The following ALDH1A2 variants were observed in gnomAD, a reference collection of about 807,000 sequenced individuals.
ALDH1A2 encodes the protein aldehyde dehydrogenase 1 family member A2.
In ALDH1A2, 27 loss-of-function variants were observed where a neutral mutation model predicts 60.3. The ratio of observed to expected loss-of-function variants is 0.45; its 90% confidence interval spans 0.33 to 0.62. The LOEUF is 0.62. Among genes scored for constraint, ALDH1A2 ranks in the 20% least tolerant of loss-of-function variants. The pLI, the probability that ALDH1A2 is intolerant of heterozygous loss-of-function variation, is 0.02. For missense variants in ALDH1A2, 581 were observed against 643.8 expected (o/e 0.90, Z 1.06); for synonymous variants, 289 against 232.4 (o/e 1.24, Z -2.21).
chr15:57,985,220 G>A (rs1377278621), intron 7 of ALDH1A2, among the ~76,000 whole-genome samples: 2 of 152,108 alleles, frequency 1.3e-5, no homozygotes, highest in African/African-American at 2.4e-5. Flanking sequence ...TCCCAATTCC[G>A]TTATTCCACT....
At chr15:57,998,505 G>A (rs1444534910) in intron 4 of ALDH1A2, among the ~76,000 whole-genome samples, 5 of 151,624 alleles carry the variant, frequency 3.3e-5, no homozygotes, top group African/African-American at 1.2e-4. Context: ...AGGAAGTGAA[G>A]GACCTCTTCA....
chr15:58,058,772 G>T (rs928692573), intron 1 of ALDH1A2, among the ~76,000 whole-genome samples: 1 of 152,182 alleles, frequency 6.6e-6, no homozygotes. Flanking sequence ...AACAGAGCAG[G>T]TAACTACTTC....
intron 1 of ALDH1A2, among the ~76,000 whole-genome samples, chr15:58,020,074 T>G (rs755694025): frequency 3.6e-4 from 54 of 151,284 alleles, no homozygotes; most frequent in Non-Finnish European, 8.8e-5. Context: ...TGAGAACATG[T>G]GGTGTTTGGT....
chr15:58,053,214 T>C (rs1205727563), intron 1 of ALDH1A2, among the ~76,000 whole-genome samples: 1 of 152,124 alleles, frequency 6.6e-6, no homozygotes, highest in East Asian at 1.9e-4. Context: ...AAACCTAAAA[T>C]GCCACATTTA....
intron 7 of ALDH1A2, among the ~76,000 whole-genome samples, chr15:57,988,192 A>T (rs1434802255): frequency 6.6e-6 from 1 of 152,224 alleles, no homozygotes; most frequent in Non-Finnish European, 1.5e-5. Flanking sequence ...CAACAATAAC[A>T]CAAAGGATGA....
At chr15:57,972,251 G>A (rs2197091) in intron 7 of ALDH1A2, among the ~76,000 whole-genome samples, 1 of 152,162 alleles carries the variant, frequency 6.6e-6, no homozygotes, top group African/African-American at 2.4e-5. Flanking sequence ...CCAAGCCTCA[G>A]GCTCTTCTCC....
intron 7 of ALDH1A2, among the ~76,000 whole-genome samples, chr15:57,977,422 A>C (rs1243165133): frequency 6.6e-6 from 1 of 152,184 alleles, no homozygotes; most frequent in Non-Finnish European, 1.5e-5. Flanking sequence ...TTTTTGTATA[A>C]GGTGTAAGTA....
At chr15:58,029,845 C>T (rs138951816) in intron 1 of ALDH1A2, among the ~76,000 whole-genome samples, 1 of 152,058 alleles carries the variant, frequency 6.6e-6, no homozygotes. Flanking sequence ...CAGGAAGAAG[C>T]TGAATCTCTG....
chr15:58,014,217 G>A lies in ALDH1A2; in HGVS notation c.182C>T (p.Ala61Val). Residue 61 changes from alanine to valine, a missense_variant, in exon 2 of 13, where the codon GCC becomes GTC. Ala to Val is a moderately conservative substitution (Grantham distance 64). This residue lies in a region of ALDH1A2 where 206 missense variants were observed against 174.1 expected (regional missense o/e 1.18). Transcript: ENST00000249750. ...AACTTCACACACCTGTTCTCCTGTG[G>A]CTGGATTATAGACAGGGAACACTCT... ...SGRVFPVYNP[A>V]TGEQVCEVQE... is the part of the protein sequence containing the mutation. 1.2e-6 allele frequency: 2 copies of A among 1,614,036 alleles called. No homozygotes were observed. The highest frequency in any genetic ancestry group is 1.7e-6 in the Non-Finnish European group (2 of 1,179,964).
chr15:58,021,764 G>A (rs1895935106), intron 1 of ALDH1A2, among the ~76,000 whole-genome samples: 1 of 152,260 alleles, frequency 6.6e-6, no homozygotes, highest in Non-Finnish European at 1.5e-5. Flanking sequence ...GGGCAAGCTG[G>A]GAGTGCTCCT....
chr15:57,955,115 G>C lies in ALDH1A2; in HGVS notation c.*82C>G. 7.1e-7 allele frequency: 1 copy of C among 1,402,592 alleles called. No individual in the cohort carries two copies. Among genetic ancestry groups the C allele is most frequent in the East Asian group, 2.3e-5 (1 of 43,854 alleles). 86.9% of individuals were successfully genotyped at this position (1,402,592 alleles called of 1,614,324 possible). On this transcript the variant is annotated 3_prime_UTR_variant, in exon 13 of 13. Transcript: ENST00000249750. ...TAAGTAAGGACCGTGGCTCAACTTT[G>C]TATTCCTGAGAGCTGGGCCCTACAG... is the stretch of plus-strand genomic sequence containing the variant.
At chr15:58,029,131 C>T (rs775793974) in intron 1 of ALDH1A2, among the ~76,000 whole-genome samples, 15 of 152,094 alleles carry the variant, frequency 9.9e-5, no homozygotes, top group Admixed American at 5.2e-4. Flanking sequence ...CTAAAACTGA[C>T]CACATAATTT....
chr15:57,986,545 TATCCTTTCAAA>T (rs1246229842), intron 7 of ALDH1A2, among the ~76,000 whole-genome samples: 1 of 113,894 alleles, frequency 8.8e-6, no homozygotes, highest in African/African-American at 3.5e-5. Flanking sequence ...CAATGTCCAG[TATCCTTTCAAA>T]ATTAACAGAA....
intron 7 of ALDH1A2, among the ~76,000 whole-genome samples, chr15:57,988,151 C>T (rs1205828684): frequency 6.6e-6 from 1 of 152,086 alleles, no homozygotes; most frequent in Non-Finnish European, 1.5e-5. Flanking sequence ...TATTGTGGGG[C>T]ATATAACCTA....
Position 58,057,983 on chromosome 15 carries a change from C to T in ALDH1A2, c.117+7551G>A, listed in dbSNP as rs1199108513. 10 of 1,109,336 alleles carry T rather than the reference C, an allele frequency of 9.0e-6. No individual in the cohort carries two copies. The Admixed American group carries it at 1.3e-4, about 14-fold the overall frequency. 68.7% of individuals were successfully genotyped at this position (1,109,336 alleles called of 1,614,324 possible). ...TAAATAATACAATTATATTATCAAA[C>T]TGTAAAACATAGATGAGGCAGAATT... On this transcript the variant is annotated intron_variant, in intron 1 of 12. Coordinates refer to ENST00000249750, the MANE Select transcript of ALDH1A2 (RefSeq NM_003888.4).
chr15:57,974,654 C>A (rs925429883), intron 7 of ALDH1A2, among the ~76,000 whole-genome samples: 1 of 151,874 alleles, frequency 6.6e-6, no homozygotes, highest in South Asian at 2.1e-4. Context: ...ATGTAAAACA[C>A]AAAACTATAA....
intron 7 of ALDH1A2, among the ~76,000 whole-genome samples, chr15:57,974,866 T>G (rs1490129902): frequency 2.6e-5 from 4 of 152,236 alleles, no homozygotes. Context: ...ACAATTTTCA[T>G]AATTCAACAA....
At chr15:57,989,707 TATATTC>T (rs1894829171) in intron 7 of ALDH1A2, among the ~76,000 whole-genome samples, 1 of 123,190 alleles carries the variant, frequency 8.1e-6, no homozygotes. Flanking sequence ...CATGTAATGT[TATATTC>T]AGATGAGTTG....
At chr15:58,046,496 T>A (rs558636464) in intron 1 of ALDH1A2, among the ~76,000 whole-genome samples, 3 of 152,176 alleles carry the variant, frequency 2.0e-5, no homozygotes, top group Admixed American at 6.6e-5. Flanking sequence ...TCCTTCATCT[T>A]CCTCATAGAA....
Sources: allele counts gnomAD v4.1 joint callset (sites outside exome capture counted in the v4.1 genomes callset), GRCh38; gene constraint gnomAD v4.1.1; regional missense constraint gnomAD v4.1.1; transcripts MANE v1.5; gene names NCBI Gene and HGNC (gene_info 2026-07-23, HGNC 2026-07-21).